Variants in CASTOR2 observed in about 807,000 individuals in gnomAD.
The protein encoded by CASTOR2 is cytosolic arginine sensor for mTORC1 subunit 2, also known as GATS protein like 2.
In CASTOR2, 8 loss-of-function variants were observed where a neutral mutation model predicts 31.2. The ratio of observed to expected loss-of-function variants is 0.26; its 90% CI spans 0.15 to 0.46. The LOEUF (loss-of-function observed/expected upper bound fraction) is 0.46, where lower values mean the gene tolerates loss of function less well. Ranked by LOEUF, CASTOR2 falls within the 20% of genes least tolerant of loss-of-function variation. The pLI is 0.99. For missense variants in CASTOR2, 216 were observed against 382.1 expected, an observed-to-expected ratio of 0.57 and a Z score of 3.62; for synonymous variants, 162 against 158.7, an observed-to-expected ratio of 1.02 and a Z score of -0.16.
At chr7:75,019,136 G>A in intron 5 of CASTOR2, 41 bp downstream of exon 5, 4 of 1,551,704 alleles carry the variant, frequency 2.6e-6, no homozygotes, top group Non-Finnish European at 3.5e-6. Context: ...GGGTGGGCCA[G>A]GGAGAGGCAT....
chr7:75,022,906 C>T (rs1462763695), intron 7 of CASTOR2, among the ~76,000 whole-genome samples: 1 of 152,216 alleles, frequency 6.6e-6, no homozygotes, highest in Admixed American at 6.5e-5. Context: ...ATAATAACTG[C>T]TGGCAATTTT....
Position 75,019,005 on chromosome 7 carries a change from C to G in CASTOR2, c.545C>G (p.Pro182Arg). The G allele has an allele frequency of 6.4e-7, 1 of 1,551,978 alleles. No homozygotes were observed. Residue 182 changes from proline (P) to arginine (R), a missense_variant, in exon 5 of 9, where the codon CCG becomes CGG. Transcript: ENST00000616305. ...QRPVIHPLSSPSNRFCVTSLD... is the reference protein window; with the variant it reads ...QRPVIHPLSSRSNRFCVTSLD... ...CCAGTCATCCACCCACTGTCCAGCC[C>G]GAGCAACAGGTTCTGTGTCACCAGC...
At chr7:75,017,447 CAAA>C in intron 2 of CASTOR2, 148 bp from the exon 3 acceptor site, 4 of 820,418 alleles carry the variant, frequency 4.9e-6, no homozygotes, top group Non-Finnish European at 7.4e-6. Context: ...AAGACTGTCT[CAAA>C]AAAAAAAAAT....
At chr7:74,994,011 G>A (rs1473705945) in intron 1 of CASTOR2, among the ~76,000 whole-genome samples, 4 of 152,202 alleles carry the variant, frequency 2.6e-5, no homozygotes, top group African/African-American at 9.6e-5. Flanking sequence ...CAGGATGCCC[G>A]GGGAGAGGCC....
In CASTOR2 at chr7:75,027,693, G is replaced by A. The variant is rs1011351037; in HGVS notation, c.*2994G>A. On this transcript the variant is annotated 3_prime_UTR_variant, in exon 9 of 9. Coordinates refer to ENST00000616305, the MANE Select transcript of CASTOR2 (RefSeq NM_001145064.3). ...TGGTCCCTGTTCAAGCCCGCTCCGT[G>A]GGAGCTGCCCCCTGGGGACCCTGCT... is the stretch of plus-strand genomic sequence containing the variant. The A allele has an allele frequency of 7.3e-4, 270 of 367,456 alleles. 7 individuals carry two copies. Among genetic ancestry groups the A allele is most frequent in the South Asian group, 3.8e-3 (159 of 41,794 alleles). 22.8% of individuals were successfully genotyped at this position (367,456 alleles called of 1,614,324 possible). A position where few individuals can be genotyped will look rare whatever the true frequency, so the allele number is the denominator to read the frequency against.
intron 1 of CASTOR2, among the ~76,000 whole-genome samples, chr7:75,004,893 C>T (rs1299383301): frequency 6.6e-6 from 1 of 151,738 alleles, no homozygotes; most frequent in Non-Finnish European, 1.5e-5. Context: ...GAGGTGGAGT[C>T]TGAATCTAGT....
rs1030409075 is a variant in CASTOR2, at chr7:75,025,275, C to A, written c.*576C>A. ...CTCAGACAGGAACCCAGGTGGGATC[C>A]CCGAGCTGGGAAGGACCCAGACTCC... On this transcript the variant is annotated 3_prime_UTR_variant, in exon 9 of 9. Transcript: ENST00000616305. Among the ~76,000 whole-genome samples, 2,764 of 152,308 alleles carry A rather than the reference C, an allele frequency of 0.018. 45 individuals are homozygous for A. Among genetic ancestry groups the A allele is most frequent in the Middle Eastern group, 0.11 (33 of 294 alleles).
At chr7:75,021,740 T>G in intron 6 of CASTOR2, 134 bp from the exon 7 acceptor site, 1 of 1,074,624 alleles carries the variant, frequency 9.3e-7, no homozygotes, top group Non-Finnish European at 1.4e-6. Context: ...AAGGGATTGT[T>G]TTTGGGGGGC....
chr7:75,017,899 G>T, intron 3 of CASTOR2, 91 bp from the exon 4 acceptor site: 2 of 1,613,476 alleles, frequency 1.2e-6, no homozygotes, highest in South Asian at 1.1e-5. Context: ...ATTCCAGGGT[G>T]GGGGCAGAGT....
chr7:74,991,778 G>A (rs1291634966), intron 1 of CASTOR2, among the ~76,000 whole-genome samples: 20 of 152,192 alleles, frequency 1.3e-4, no homozygotes, highest in African/African-American at 4.3e-4. Flanking sequence ...ACTAAGGAAC[G>A]AGGAGGGGCC....
chr7:75,021,587 T>G (rs1338911033), intron 6 of CASTOR2, among the ~76,000 whole-genome samples: 1 of 152,210 alleles, frequency 6.6e-6, no homozygotes, highest in Non-Finnish European at 1.5e-5. Context: ...GCTTGTGCTC[T>G]GGACCTGGGA....
intron 1 of CASTOR2, 151 bp from the exon 2 acceptor site, chr7:75,007,843 G>A: frequency 1.1e-6 from 1 of 923,432 alleles, no homozygotes. Context: ...GACATGAAGG[G>A]AGAGATAAAC....
At chr7:75,021,640 T>A (rs2131957158) in intron 6 of CASTOR2, among the ~76,000 whole-genome samples, 1 of 152,196 alleles carries the variant, frequency 6.6e-6, no homozygotes, top group South Asian at 2.1e-4. Context: ...GGGGAGGGGC[T>A]TGTTACAAAG....
chr7:75,012,669 C>T (rs1420353970), intron 2 of CASTOR2, among the ~76,000 whole-genome samples: 4 of 146,774 alleles, frequency 2.7e-5, no homozygotes, highest in Non-Finnish European at 4.5e-5. Context: ...GATGGAGTCT[C>T]GCTCTGTTGT....
intron 1 of CASTOR2, among the ~76,000 whole-genome samples, chr7:75,005,285 A>G (rs2131942755): frequency 6.6e-6 from 1 of 152,306 alleles, no homozygotes; most frequent in East Asian, 1.9e-4. Flanking sequence ...ATAACTGCTA[A>G]TCATTTGTCC....
intron 6 of CASTOR2, 99 bp from the exon 7 acceptor site, chr7:75,021,774 TG>T (rs1805011011): frequency 2.7e-6 from 4 of 1,454,772 alleles, no homozygotes; most frequent in African/African-American, 1.4e-5. Context: ...CAACCCTGCC[TG>T]GCCAGCCCCA....
intron 6 of CASTOR2, among the ~76,000 whole-genome samples, chr7:75,020,799 T>A (rs1183322527): frequency 3.3e-5 from 5 of 151,372 alleles, no homozygotes; most frequent in Non-Finnish European, 3.0e-5. Context: ...TGATTTTTTT[T>A]ATTTTTATTT....
chr7:74,986,831 A>G (rs1584462550), intron 1 of CASTOR2, among the ~76,000 whole-genome samples: 1 of 152,162 alleles, frequency 6.6e-6, no homozygotes, highest in Admixed American at 6.5e-5. Context: ...GGATCACTTG[A>G]GGTCAGGAGT....
At chr7:74,993,165 C>T (rs1356359944) in intron 1 of CASTOR2, among the ~76,000 whole-genome samples, 1 of 152,158 alleles carries the variant, frequency 6.6e-6, no homozygotes, top group Non-Finnish European at 1.5e-5. Flanking sequence ...CGTGACTGCA[C>T]TCCAGCCTGG....
Sources: gnomAD v4.1 joint callset for allele counts (sites outside exome capture counted in the v4.1 genomes callset) on GRCh38, gnomAD v4.1.1 for gene constraint, MANE v1.5 for transcripts, NCBI Gene and HGNC (gene_info 2026-07-23, HGNC 2026-07-21) for gene names.